The following CCDC178 variants were observed in gnomAD, a reference collection of about 807,000 sequenced individuals.
CCDC178 encodes the protein coiled-coil domain containing 178, also known as coiled-coil domain-containing protein 178.
In CCDC178, 126 loss-of-function variants were observed where a neutral mutation model predicts 117.4. That is an observed-to-expected ratio of 1.07 (90% CI 0.93 to 1.24). The LOEUF is 1.24. Ranked by LOEUF, CCDC178 falls within the 50% of genes most tolerant of loss-of-function variation. CCDC178 has a pLI of 0.00. For missense variants in CCDC178, 1,030 were observed against 986.9 expected, an observed-to-expected ratio of 1.04 and a Z score of -0.59; for synonymous variants, 283 against 313.4, an observed-to-expected ratio of 0.90 and a Z score of 1.02.
chr18:33,186,773 C>T (rs2058800013), intron 20 of CCDC178, among the ~76,000 whole-genome samples: 1 of 151,208 alleles, frequency 6.6e-6, no homozygotes, highest in Admixed American at 6.6e-5. Context: ...TTTTCCAGAA[C>T]CTCTTTCCCT....
chr18:33,257,975 C>A (rs2059699685), intron 14 of CCDC178, among the ~76,000 whole-genome samples: 1 of 152,066 alleles, frequency 6.6e-6, no homozygotes, highest in African/African-American at 2.4e-5. Context: ...GTTTTTCCTT[C>A]ATGTCTTATA....
At chr18:33,182,347 TTA>T (rs1337123688) in intron 20 of CCDC178, among the ~76,000 whole-genome samples, 1 of 151,964 alleles carries the variant, frequency 6.6e-6, no homozygotes, top group Non-Finnish European at 1.5e-5. Flanking sequence ...AGCTGATCTT[TTA>T]AATTCAGATG....
chr18:33,230,671 C>T (rs1362216570), intron 15 of CCDC178, among the ~76,000 whole-genome samples: 1 of 152,088 alleles, frequency 6.6e-6, no homozygotes, highest in Admixed American at 6.6e-5. Context: ...TACAACGTCA[C>T]AATCACATTT....
At chr18:33,193,734 G>T (rs2058891351) in intron 20 of CCDC178, among the ~76,000 whole-genome samples, 1 of 152,042 alleles carries the variant, frequency 6.6e-6, no homozygotes, top group Admixed American at 6.5e-5. Flanking sequence ...TATTTAAGTG[G>T]TTATACTACC....
intron 12 of CCDC178, among the ~76,000 whole-genome samples, chr18:33,282,989 G>A (rs1315359908): frequency 1.3e-5 from 2 of 152,112 alleles, no homozygotes; most frequent in Non-Finnish European, 2.9e-5. Context: ...ACCACACACA[G>A]AGTCTCCAGC....
At chr18:33,233,444 T>C (rs2059390637) in intron 15 of CCDC178, among the ~76,000 whole-genome samples, 1 of 152,150 alleles carries the variant, frequency 6.6e-6, no homozygotes, top group African/African-American at 2.4e-5. Context: ...TAAAGTAATA[T>C]GCTTAAGGCA....
Position 33,230,246 on chromosome 18 carries a change from C to CTGTGTGTG in CCDC178, c.1594-3399_1594-3392dup, listed in dbSNP as rs111674114. 4.1e-5 allele frequency among the ~76,000 whole-genome samples: 6 copies of CTGTGTGTG among 147,998 alleles called. No individual in the cohort carries two copies. In the South Asian group the frequency reaches 1.1e-3, roughly 27 times the overall value. ...AAGTGGAACCACATTAACTCAGAGG[C>CTGTGTGTG]TGTGTGTGTGTGTGTGTGTGTGTGT... is the stretch of plus-strand genomic sequence containing the variant. On this transcript the variant is annotated intron_variant, in intron 15 of 22. Coordinates refer to ENST00000383096, the MANE Select transcript of CCDC178 (RefSeq NM_001105528.4).
At chr18:33,407,329 A>G (rs935515356) in intron 3 of CCDC178, among the ~76,000 whole-genome samples, 4 of 152,182 alleles carry the variant, frequency 2.6e-5, no homozygotes, top group Non-Finnish European at 5.9e-5. Context: ...AACTATATTA[A>G]AAAAGAAAAA....
At chr18:33,335,200 A>T (rs2062723211) in intron 9 of CCDC178, among the ~76,000 whole-genome samples, 1 of 151,832 alleles carries the variant, frequency 6.6e-6, no homozygotes, top group African/African-American at 2.4e-5. Flanking sequence ...TAACTTCTAA[A>T]CTCATACACT....
At chr18:33,019,292 T>C (rs1487746432) in intron 21 of CCDC178, among the ~76,000 whole-genome samples, 5 of 152,202 alleles carry the variant, frequency 3.3e-5, no homozygotes, top group Admixed American at 6.5e-5. Flanking sequence ...ACTATGATTA[T>C]GTAGCAAGTG....
At chr18:33,183,522 G>C (rs1403111273) in intron 20 of CCDC178, among the ~76,000 whole-genome samples, 4 of 151,948 alleles carry the variant, frequency 2.6e-5, no homozygotes, top group African/African-American at 9.7e-5. Context: ...AATTGGCACG[G>C]TATGATTGCT....
At position 33,099,326 on chromosome 18, in the gene CCDC178, A is replaced by G. The variant is rs1015532183; in HGVS notation, c.2239-6416T>C. 3.9e-5 allele frequency among the ~76,000 whole-genome samples: 6 copies of G among 152,002 alleles called. No individual in the cohort carries two copies. In the East Asian group the frequency reaches 7.8e-4, roughly 20 times the overall value. On this transcript the variant is annotated intron_variant, in intron 20 of 22. Coordinates refer to ENST00000383096, the MANE Select transcript of CCDC178 (RefSeq NM_001105528.4). ...GCATTACACCATTGATCCCATCCCAATGAATCCCCACAGGCCTCTTATATG... is the reference window on the plus strand; with the variant it reads ...GCATTACACCATTGATCCCATCCCAGTGAATCCCCACAGGCCTCTTATATG...
rs535593968 is a variant in CCDC178, at chr18:33,182,906, C to T, written c.2238+28990G>A. On this transcript the variant is annotated intron_variant, in intron 20 of 22. Transcript: ENST00000383096. ...ATGATCAATTCTTAAGTAAGAGGAGCTAATACTATTGTTTTTAAAACATAA... is the reference window on the plus strand; with the variant it reads ...ATGATCAATTCTTAAGTAAGAGGAGTTAATACTATTGTTTTTAAAACATAA... 8.5e-5 allele frequency among the ~76,000 whole-genome samples: 13 copies of T among 152,048 alleles called. No homozygotes were observed. The South Asian group carries it at 2.7e-3, about 32-fold the overall frequency.
At chr18:33,365,158 T>C (rs538319020) in intron 6 of CCDC178, among the ~76,000 whole-genome samples, 2 of 152,202 alleles carry the variant, frequency 1.3e-5, no homozygotes, top group African/African-American at 4.8e-5. Context: ...GAAGTGCTCA[T>C]AAGTTTCAAG....
intron 20 of CCDC178, among the ~76,000 whole-genome samples, chr18:33,176,819 G>A (rs2058669414): frequency 2.0e-5 from 3 of 151,910 alleles, no homozygotes; most frequent in Admixed American, 2.0e-4. Flanking sequence ...TTAAATTTGA[G>A]CTGTTGACAT....
intron 22 of CCDC178, among the ~76,000 whole-genome samples, chr18:32,960,189 A>G (rs1024023504): frequency 2.0e-5 from 3 of 152,116 alleles, no homozygotes; most frequent in Non-Finnish European, 4.4e-5. Context: ...GTTTATCTTT[A>G]AAGGGAAGGA....
chr18:33,302,076 A>G (rs1306296618), intron 11 of CCDC178, among the ~76,000 whole-genome samples: 1 of 152,106 alleles, frequency 6.6e-6, no homozygotes, highest in East Asian at 1.9e-4. Context: ...TCCTCAGGAT[A>G]GTGATTGAGT....
At chr18:33,114,440 G>A (rs372743530) in intron 20 of CCDC178, among the ~76,000 whole-genome samples, 2 of 151,962 alleles carry the variant, frequency 1.3e-5, no homozygotes, top group Non-Finnish European at 2.9e-5. Context: ...ACTGCAATGG[G>A]GATTGGACTT....
chr18:33,042,020 C>T (rs2056558787), intron 21 of CCDC178, among the ~76,000 whole-genome samples: 1 of 151,786 alleles, frequency 6.6e-6, no homozygotes, highest in East Asian at 1.9e-4. Flanking sequence ...GGAAGAATAG[C>T]GTTGGAAAAA....
Sources: gnomAD v4.1 joint callset for allele counts (sites outside exome capture counted in the v4.1 genomes callset) on GRCh38, gnomAD v4.1.1 for gene constraint, MANE v1.5 for transcripts, NCBI Gene and HGNC (gene_info 2026-07-23, HGNC 2026-07-21) for gene names.